VIPR2: variants seen among roughly 807,000 people sequenced by gnomAD.
VIPR2 encodes the protein vasoactive intestinal polypeptide receptor 2.
A neutral mutation model predicts 58.0 loss-of-function variants in VIPR2; 48 were observed. The observed-to-expected ratio is 0.83, with a 90% CI of 0.66 to 1.05. The LOEUF is 1.05. Ranked by LOEUF, VIPR2 falls within the 50% of genes least tolerant of loss-of-function variation. The pLI is 0.00. For missense variants in VIPR2, 534 were observed against 558.0 expected, an observed-to-expected ratio of 0.96 and a Z score of 0.43; for synonymous variants, 243 against 235.2, an observed-to-expected ratio of 1.03 and a Z score of -0.30.
At chr7:159,122,489 A>G (rs181191757) in intron 2 of VIPR2, among the ~76,000 whole-genome samples, 4 of 152,316 alleles carry the variant, frequency 2.6e-5, no homozygotes, top group Non-Finnish European at 4.4e-5. Flanking sequence ...TGAACTGGAT[A>G]AAAACAGGCC....
intron 4 of VIPR2, among the ~76,000 whole-genome samples, chr7:159,063,469 C>T (rs1855844936): frequency 6.6e-6 from 1 of 152,018 alleles, no homozygotes; most frequent in Admixed American, 6.5e-5. Flanking sequence ...TTGCGCTGGC[C>T]CGCAAGGGCC....
intron 3 of VIPR2, among the ~76,000 whole-genome samples, chr7:159,107,860 G>A (rs1281270787): frequency 6.6e-6 from 1 of 152,204 alleles, no homozygotes; most frequent in African/African-American, 2.4e-5. Context: ...TGGTCACTGT[G>A]ATGATGCACA....
At chr7:159,084,226 G>C (rs535841808) in intron 4 of VIPR2, among the ~76,000 whole-genome samples, 1 of 152,378 alleles carries the variant, frequency 6.6e-6, no homozygotes, top group South Asian at 2.1e-4. Flanking sequence ...ATGCCTCTGA[G>C]TTCTGCAGGC....
At chr7:159,143,873 G>C (rs568682713) in intron 1 of VIPR2, among the ~76,000 whole-genome samples, 19 of 152,386 alleles carry the variant, frequency 1.2e-4, no homozygotes, top group African/African-American at 4.6e-4. Flanking sequence ...ACCCTCGAGG[G>C]AGGAAAGCCG....
rs998487969 is a variant in VIPR2 at position 159,030,267 on chromosome 7, C to T, written c.*349G>A. On this transcript the variant is annotated 3_prime_UTR_variant, in exon 13 of 13. Transcript: ENST00000262178. ...CTGAGGCAGGAGAATGGCGTGAACCCGGGAGGCGGAGCTTGCAGGGAGCAG... is the reference window on the plus strand; with the variant it reads ...CTGAGGCAGGAGAATGGCGTGAACCTGGGAGGCGGAGCTTGCAGGGAGCAG... The T allele has an allele frequency of 8.7e-6, 2 of 230,066 alleles. No homozygotes were observed. Among genetic ancestry groups the T allele is most frequent in the Non-Finnish European group, 1.6e-5 (2 of 122,762 alleles). 14.3% of individuals were successfully genotyped at this position (230,066 alleles called of 1,614,324 possible). A position where few individuals can be genotyped will look rare whatever the true frequency, so the allele number is the denominator to read the frequency against.
intron 5 of VIPR2, among the ~76,000 whole-genome samples, chr7:159,057,703 A>G (rs1465859439): frequency 3.9e-5 from 6 of 152,224 alleles, no homozygotes; most frequent in African/African-American, 4.8e-5. Context: ...CGTAAGACAG[A>G]TTTAATCCTA....
At position 159,030,665 on chromosome 7, in the gene VIPR2, C is replaced by T. The variant is rs753755645; in HGVS notation, c.1268G>A (p.Arg423His). 3.0e-5 allele frequency: 47 copies of T among 1,562,866 alleles called. No individual in the cohort carries two copies. Among genetic ancestry groups the T allele is most frequent in the Admixed American group, 7.6e-5 (4 of 52,650 alleles). ...NGSEGALQFH[R>H]GSRAQSFLQT... is the part of the protein sequence containing the mutation. ...CAGGAAGGACTGGGCGCGGGAGCCGCGGTGGAACTGCAGGGCGCCCTCCGA... is the reference window on the plus strand; with the variant it reads ...CAGGAAGGACTGGGCGCGGGAGCCGTGGTGGAACTGCAGGGCGCCCTCCGA... The change falls in exon 13 of 13, where the codon CGC (arginine) becomes CAC (histidine). Residue 423 changes from arginine to histidine, a missense_variant. By Grantham distance (29) the Arg-to-His change is conservative (BLOSUM62 0). Around this residue, in one of 3 missense-constraint regions of VIPR2, gnomAD observed 306 missense variants for 285.8 expected, o/e 1.07. Transcript: ENST00000262178.
intron 3 of VIPR2, among the ~76,000 whole-genome samples, chr7:159,107,204 A>T: frequency 6.6e-6 from 1 of 152,182 alleles, no homozygotes; most frequent in East Asian, 1.9e-4. Flanking sequence ...CCTGTGCTGG[A>T]TGGGCGGCTG....
chr7:159,122,627 G>C (rs944747963), intron 2 of VIPR2, among the ~76,000 whole-genome samples: 1 of 152,192 alleles, frequency 6.6e-6, no homozygotes, highest in African/African-American at 2.4e-5. Flanking sequence ...ACAGGTGCAG[G>C]GCACACCTGT....
rs560205397 is a variant in VIPR2 at position 159,096,051 on chromosome 7, C to T, written c.357+7706G>A. Among the ~76,000 whole-genome samples, 1 of 152,288 alleles carries T rather than the reference C, an allele frequency of 6.6e-6. No homozygotes were observed. Among genetic ancestry groups the T allele is most frequent in the East Asian group, 1.9e-4 (1 of 5,172 alleles). On this transcript the variant is annotated intron_variant, in intron 4 of 12. Transcript: ENST00000262178. The surrounding 1 kb of genome is among the most constrained non-coding windows in gnomAD (Gnocchi z 5.5). ...GAACCAGCGCCCCTGCCCCACCCAC[C>T]TGTGGAGCCCAAGAGCCAGCTGCTG... is the stretch of plus-strand genomic sequence containing the variant.
At chr7:159,044,216 C>T (rs1306486128) in intron 5 of VIPR2, among the ~76,000 whole-genome samples, 1 of 151,972 alleles carries the variant, frequency 6.6e-6, no homozygotes, top group Non-Finnish European at 1.5e-5. Flanking sequence ...AAATCTCTAT[C>T]AAACAACTAG....
intron 2 of VIPR2, among the ~76,000 whole-genome samples, chr7:159,125,940 C>T (rs764235498): frequency 3.3e-5 from 5 of 152,290 alleles, no homozygotes; most frequent in South Asian, 2.1e-4. Flanking sequence ...CAGAGACCCT[C>T]GGTGTTCTAG....
At chr7:159,101,500 G>A (rs1308386276) in intron 4 of VIPR2, among the ~76,000 whole-genome samples, 1 of 136,092 alleles carries the variant, frequency 7.3e-6, no homozygotes, top group Non-Finnish European at 1.5e-5. Flanking sequence ...TCCCCCGACC[G>A]TTCCTGTGGT....
chr7:159,035,978 C>G lies in VIPR2; in HGVS notation c.783G>C (p.Ala261=). 2.5e-6 allele frequency: 4 copies of G among 1,613,660 alleles called. No individual in the cohort carries two copies. The highest frequency in any genetic ancestry group is 3.4e-6 in the Non-Finnish European group (4 of 1,179,860). ...CGGTGTCTTCTAAGTAGAGCCTGGCCGCAGTCCATGCACCGATGCAGACGG... is the reference window on the plus strand; with the variant it reads ...CGGTGTCTTCTAAGTAGAGCCTGGCGGCAGTCCATGCACCGATGCAGACGG... ...LPTVCIGAWT[A]ARLYLEDTGC... is the part of the protein sequence containing the mutation. Residue 261 remains alanine (A), a synonymous_variant, in exon 8 of 13, where the codon GCG becomes GCC. Transcript: ENST00000262178.
chr7:159,122,100 T>C (rs532095560), intron 2 of VIPR2, among the ~76,000 whole-genome samples: 2 of 152,300 alleles, frequency 1.3e-5, no homozygotes, highest in East Asian at 3.9e-4. Context: ...GAGACGCTTT[T>C]ATGCGTGGAG....
intron 3 of VIPR2, 83 bp from the exon 4 acceptor site, chr7:159,103,937 G>A: frequency 8.1e-7 from 1 of 1,235,224 alleles, no homozygotes; most frequent in Non-Finnish European, 1.2e-6. Flanking sequence ...CTGAGCCCGT[G>A]CTCTATTAAA....
rs1563326350 is a variant in VIPR2 at position 159,101,007 on chromosome 7, T to TCCGA, written c.357+2749_357+2750insTCGG. Among the ~76,000 whole-genome samples, 194 of 139,154 alleles carry TCCGA rather than the reference T, an allele frequency of 1.4e-3. 5 individuals carry two copies. Among genetic ancestry groups the TCCGA allele is most frequent in the Admixed American group, 3.2e-3 (44 of 13,958 alleles). 91.3% of individuals were successfully genotyped at this position (139,154 alleles called of 152,430 possible). On this transcript the variant is annotated intron_variant, in intron 4 of 12. Transcript: ENST00000262178. ...GTCTCACGAGATCCGACGAGGCGGTTCTGACTGTTCCCGTGGTAGTGAACT... is the reference window on the plus strand; with the variant it reads ...GTCTCACGAGATCCGACGAGGCGGTTCCGACTGACTGTTCCCGTGGTAGTGAACT...
rs201357541 is a variant in VIPR2, at chr7:159,103,795, C to T, written c.319G>A (p.Asp107Asn). 5.1e-5 allele frequency: 82 copies of T among 1,614,000 alleles called. No homozygotes were observed. Among genetic ancestry groups the T allele is most frequent in the South Asian group, 1.3e-4 (12 of 91,080 alleles). ...GWSETFPDFV[D>N]ACGYSDPEDE... The stretch of plus-strand genomic sequence containing the variant: ...TCCGGGTCGCTGTAGCCACAGGCAT[C>T]GACGAAATCTGGGAACGTCTCTGAC... Residue 107 changes from aspartate to asparagine, a missense_variant, in exon 4 of 13, where the codon GAT becomes AAT. Physicochemically the swap from Asp to Asn is conservative, Grantham distance 23. Around this residue, in one of 3 missense-constraint regions of VIPR2, gnomAD observed 224 missense variants for 255.7 expected, o/e 0.88. Transcript: ENST00000262178.
chr7:159,133,431 G>A (rs1156554511), intron 2 of VIPR2, among the ~76,000 whole-genome samples: 14 of 152,286 alleles, frequency 9.2e-5, no homozygotes, highest in African/African-American at 1.4e-4. Flanking sequence ...GGGAAATGAC[G>A]CATCAGAAGG....
Sources: allele counts gnomAD v4.1 joint callset (sites outside exome capture counted in the v4.1 genomes callset), GRCh38; gene constraint gnomAD v4.1.1; regional missense constraint gnomAD v4.1.1; non-coding constraint Gnocchi (gnomAD v3.1); transcripts MANE v1.5; gene names NCBI Gene and HGNC (gene_info 2026-07-23, HGNC 2026-07-21).